ATP8B2: variants seen among roughly 807,000 people sequenced by gnomAD.
ATP8B2 encodes the protein ATPase phospholipid transporting 8B2, also known as phospholipid-transporting ATPase ID.
Under a neutral mutation model 133.4 loss-of-function variants are expected in ATP8B2, and 70 were observed. The observed-to-expected ratio is 0.52, with a 90% CI of 0.43 to 0.64. ATP8B2 has a LOEUF of 0.64. Among genes scored for constraint, ATP8B2 ranks in the 30% least tolerant of loss-of-function variants. The pLI, the probability that ATP8B2 is intolerant of heterozygous loss-of-function variation, is 0.00. For missense variants in ATP8B2, 1,101 were observed against 1,535.7 expected (o/e 0.72, Z 4.73); for synonymous variants, 517 against 589.5 (o/e 0.88, Z 1.78).
chr1:154,345,212 G>T lies in ATP8B2; in HGVS notation c.2470+58G>T, dbSNP rs1686542216. 2.5e-6 allele frequency: 4 copies of T among 1,600,762 alleles called. No individual in the cohort carries two copies. In the South Asian group the frequency reaches 3.3e-5, roughly 13 times the overall value. On this transcript the variant is annotated intron_variant, in intron 22 of 27. Transcript: ENST00000368489. This position sits in a 1 kb window ranked among gnomAD's most constrained non-coding sequence, Gnocchi z 5.6. ...GCTTGAGGCTGGGGAGGGGCCCACT[G>T]AGGTCTCTGGACTGCAGAAGAATGA...
chr1:154,346,593 C>T lies in ATP8B2; in HGVS notation c.3025-27C>T, dbSNP rs1011548156. ...GGGAAGGGGCTTTTAGGGCGTGCGC[C>T]TGCCTGACTATGCCTACTTTCTGCA... On this transcript the variant is annotated intron_variant, in intron 25 of 27. Coordinates refer to ENST00000368489, the MANE Select transcript of ATP8B2 (RefSeq NM_001370597.1). This position sits in a 1 kb window ranked among gnomAD's most constrained non-coding sequence, Gnocchi z 4.5. 1 of 1,614,034 alleles carries T rather than the reference C, an allele frequency of 6.2e-7. No individual in the cohort carries two copies. Among genetic ancestry groups the T allele is most frequent in the Non-Finnish European group, 8.5e-7 (1 of 1,179,930 alleles).
Position 154,345,375 on chromosome 1 carries a change from G to A in ATP8B2, c.2524G>A (p.Ala842Thr), listed in dbSNP as rs949301752. The change falls in exon 23 of 28, where the codon GCC becomes ACC. Residue 842 changes from alanine to threonine, a missense_variant. Coordinates refer to ENST00000368489, the MANE Select transcript of ATP8B2 (RefSeq NM_001370597.1). This position sits in a 1 kb window ranked among gnomAD's most constrained non-coding sequence, Gnocchi z 5.6. ...SGQEGIQAVL[A>T]SDYSFSQFKF... ...GCAGGAAGGGATCCAGGCTGTCTTG[G>A]CCTCCGATTACTCCTTCTCCCAGTT... 6.2e-7 allele frequency: 1 copy of A among 1,614,206 alleles called. No individual in the cohort carries two copies.
chr1:154,327,805 T>A, intron 1 of ATP8B2: 1 of 1,613,718 alleles, frequency 6.2e-7, no homozygotes, highest in South Asian at 1.1e-5. Flanking sequence ...CTGGGATGGA[T>A]ACCTTGAGAG....
Position 154,344,451 on chromosome 1 carries a change from G to A in ATP8B2, c.2092G>A (p.Val698Ile), listed in dbSNP as rs1686507942. ...GATGCTGACGGATGACATGACTGAG[G>A]TTTTCATAGTCACTGGCCATACTGT... Reference protein sequence around the residue: ...CKMLTDDMTEVFIVTGHTVLE... With the variant: ...CKMLTDDMTEIFIVTGHTVLE... The change falls in exon 20 of 28, where the codon GTT becomes ATT. Residue 698 changes from valine (V) to isoleucine (I), a missense_variant. Coordinates refer to ENST00000368489, the MANE Select transcript of ATP8B2 (RefSeq NM_001370597.1). The surrounding 1 kb of genome is among the most constrained non-coding windows in gnomAD (Gnocchi z 4.1). The A allele has an allele frequency of 6.2e-7, 1 of 1,614,164 alleles. No homozygotes were observed. The highest frequency in any genetic ancestry group is 1.1e-5 in the South Asian group (1 of 91,076).
Position 154,343,413 on chromosome 1 carries a change from T to C in ATP8B2, c.1643-40T>C. The C allele has an allele frequency of 6.2e-7, 1 of 1,609,890 alleles. No individual in the cohort carries two copies. Among genetic ancestry groups the C allele is most frequent in the South Asian group, 1.1e-5 (1 of 90,912 alleles). On this transcript the variant is annotated intron_variant, in intron 16 of 27. Transcript: ENST00000368489. The surrounding 1 kb of genome is among the most constrained non-coding windows in gnomAD (Gnocchi z 5.8). The stretch of plus-strand genomic sequence containing the variant: ...TTTATGTTGGGGGTCTTTGCCTGTC[T>C]GAATTTTTCTGGCACTTTCTTCACC...
intron 14 of ATP8B2, 104 bp downstream of exon 14, chr1:154,342,627 G>A: frequency 6.8e-7 from 1 of 1,475,988 alleles, no homozygotes; most frequent in Non-Finnish European, 9.5e-7. Flanking sequence ...AATGGAAGCT[G>A]CTTGGAGAAA....
chr1:154,346,254 G>A lies in ATP8B2; in HGVS notation c.2802G>A (p.Met934Ile), dbSNP rs1248313118. 6.2e-7 allele frequency: 1 copy of A among 1,614,062 alleles called. No homozygotes were observed. Among genetic ancestry groups the A allele is most frequent in the East Asian group, 2.2e-5 (1 of 44,884 alleles). The change falls in exon 25 of 28, where the codon ATG (methionine) becomes ATA (isoleucine). Residue 934 changes from methionine to isoleucine, a missense_variant. Physicochemically the swap from Met to Ile is conservative, Grantham distance 10 (BLOSUM62 1). Coordinates refer to ENST00000368489, the MANE Select transcript of ATP8B2 (RefSeq NM_001370597.1). The surrounding 1 kb of genome is among the most constrained non-coding windows in gnomAD (Gnocchi z 4.5). The part of the protein sequence containing the change: ...FDQDVPEQRS[M>I]EYPKLYEPGQ... ...AGGATGTCCCCGAGCAGCGGAGCAT[G>A]GAGTACCCTAAGCTGTATGAGCCGG...
chr1:154,332,785 C>T (rs1686041296), intron 9 of ATP8B2, 88 bp downstream of exon 9: 2 of 1,067,698 alleles, frequency 1.9e-6, no homozygotes, highest in Admixed American at 2.1e-5. Context: ...TTCCTTTGGG[C>T]TTTTTGTTGT....
Position 154,337,336 on chromosome 1 carries a change from A to C in ATP8B2, c.838-12A>C, listed in dbSNP as rs772128176. 6.2e-7 allele frequency: 1 copy of C among 1,607,546 alleles called. No individual in the cohort carries two copies. The highest frequency in any genetic ancestry group is 1.1e-5 in the South Asian group (1 of 90,436). ...CATGTCAGCCTCGCCTGTGCTTCTC[A>C]TTCCTCCCCAGATTTTTGGATTCCT... On this transcript the variant is annotated splice_polypyrimidine_tract_variant and intron_variant, in intron 11 of 27. Transcript: ENST00000368489.
rs781441271 is a variant in ATP8B2 at position 154,345,548 on chromosome 1, A to C, written c.2694+3A>C. 1 of 1,607,436 alleles carries C rather than the reference A, an allele frequency of 6.2e-7. No homozygotes were observed. The highest frequency in any genetic ancestry group is 8.5e-7 in the Non-Finnish European group (1 of 1,175,354). On this transcript the variant is annotated splice_donor_region_variant and intron_variant, in intron 23 of 27. Coordinates refer to ENST00000368489, the MANE Select transcript of ATP8B2 (RefSeq NM_001370597.1). The surrounding 1 kb of genome is among the most constrained non-coding windows in gnomAD (Gnocchi z 5.6). ...TCTTCTGTGGCTTCTCAGCCCAGGT[A>C]ATAAATGTTCCCAGTCCACTGTTGT...
intron 2 of ATP8B2, among the ~76,000 whole-genome samples, chr1:154,329,290 G>GTTTAT (rs1685902331): frequency 6.6e-6 from 1 of 152,220 alleles, no homozygotes; most frequent in Admixed American, 6.5e-5. Flanking sequence ...CTCTAGGGAA[G>GTTTAT]TTTATGGGAG....
rs770519651 is a variant in ATP8B2, at chr1:154,334,125, C to T, written c.608C>T (p.Pro203Leu). 4 of 1,614,040 alleles carry T rather than the reference C, an allele frequency of 2.5e-6. No individual in the cohort carries two copies. Among genetic ancestry groups the T allele is most frequent in the Non-Finnish European group, 1.7e-6 (2 of 1,180,044 alleles). Residue 203 changes from proline (P) to leucine (L), a missense_variant, in exon 10 of 28, where the codon CCT becomes CTT. Pro to Leu is a moderately conservative substitution (Grantham distance 98). Transcript: ENST00000368489. The surrounding 1 kb of genome is among the most constrained non-coding windows in gnomAD (Gnocchi z 4.6). ...AKFDGEVICEPPNNKLDKFSG... is the reference protein window; with the variant it reads ...AKFDGEVICELPNNKLDKFSG... The stretch of plus-strand genomic sequence containing the variant: ...TGTTCAGGTGAAGTGATCTGTGAAC[C>T]TCCCAACAACAAACTGGACAAATTC...
intron 12 of ATP8B2, 178 bp downstream of exon 12, chr1:154,337,722 T>G: frequency 6.5e-7 from 1 of 1,545,462 alleles, no homozygotes; most frequent in Non-Finnish European, 8.7e-7. Flanking sequence ...TACCACAGTT[T>G]CCTGGTACTT....
rs1311603142 is a variant in ATP8B2, at chr1:154,344,115, G to C, written c.1924-28G>C. 6.2e-7 allele frequency: 1 copy of C among 1,614,222 alleles called. No individual in the cohort carries two copies. Among genetic ancestry groups the C allele is most frequent in the Non-Finnish European group, 8.5e-7 (1 of 1,180,034 alleles). On this transcript the variant is annotated intron_variant, in intron 18 of 27. Transcript: ENST00000368489. The surrounding 1 kb of genome is among the most constrained non-coding windows in gnomAD (Gnocchi z 4.1). ...CGGAGGGCTCATGCCTGCAATTCTT[G>C]TGCCAGGAATCCTTGTGGTATTTTC...
rs948302625 is a variant in ATP8B2 at position 154,343,611 on chromosome 1, C to T, written c.1758+43C>T. 3 of 1,573,554 alleles carry T rather than the reference C, an allele frequency of 1.9e-6. No homozygotes were observed. Among genetic ancestry groups the T allele is most frequent in the East Asian group, 2.2e-5 (1 of 44,610 alleles). ...AGGGGCCAGCCTGGGGGGTTCTACT[C>T]TTAGTGTGGGGGAGGCGACTTAAGT... On this transcript the variant is annotated intron_variant, in intron 17 of 27. Coordinates refer to ENST00000368489, the MANE Select transcript of ATP8B2 (RefSeq NM_001370597.1). The surrounding 1 kb of genome is among the most constrained non-coding windows in gnomAD (Gnocchi z 5.8).
rs750174515 is a variant in ATP8B2, at chr1:154,342,885, C to T, written c.1377C>T (p.Ile459=). Residue 459 remains isoleucine, a synonymous_variant, in exon 15 of 28, where the codon ATC becomes ATT. Coordinates refer to ENST00000368489, the MANE Select transcript of ATP8B2 (RefSeq NM_001370597.1). ...WDPSLLEAVK[I]GDPHTHEFFR... ...CCAGCCTGCTGGAGGCTGTCAAGAT[C>T]GGGGACCCCCACACGCATGAGTTCT... 21 of 1,614,048 alleles carry T rather than the reference C, an allele frequency of 1.3e-5. No individual in the cohort carries two copies. The highest frequency in any genetic ancestry group is 1.7e-5 in the Admixed American group (1 of 60,012).
chr1:154,343,164 C>T lies in ATP8B2; in HGVS notation c.1505C>T (p.Ala502Val), dbSNP rs1245792519. The change falls in exon 16 of 28, where the codon GCA becomes GTA. Residue 502 changes from alanine to valine, a missense_variant. Transcript: ENST00000368489. The surrounding 1 kb of genome is among the most constrained non-coding windows in gnomAD (Gnocchi z 5.8). ...QSPDEGALVTAARNFGFVFRS... is the reference protein window; with the variant it reads ...QSPDEGALVTVARNFGFVFRS... The stretch of plus-strand genomic sequence containing the variant: ...CCAGATGAGGGGGCCCTGGTCACCG[C>T]AGCCAGGAACTTTGGTTTTGTTTTC... 6.2e-7 allele frequency: 1 copy of T among 1,614,158 alleles called. No individual in the cohort carries two copies. The highest frequency in any genetic ancestry group is 1.1e-5 in the South Asian group (1 of 91,088).
Position 154,340,927 on chromosome 1 carries a change from A to G in ATP8B2, c.1108A>G (p.Thr370Ala). 1 of 1,614,106 alleles carries G rather than the reference A, an allele frequency of 6.2e-7. No individual in the cohort carries two copies. The stretch of plus-strand genomic sequence containing the variant: ...GAAGATGTTCTGCATGAAGAAGCGG[A>G]CGCCTGCAGAAGCCCGCACCACCAC... ...DKKMFCMKKR[T>A]PAEARTTTLN... is the part of the protein sequence containing the mutation. Residue 370 changes from threonine to alanine, a missense_variant, in exon 13 of 28, where the codon ACG (threonine) becomes GCG (alanine). Physicochemically the swap from Thr to Ala is moderately conservative, Grantham distance 58. Transcript: ENST00000368489. The surrounding 1 kb of genome is among the most constrained non-coding windows in gnomAD (Gnocchi z 4.0).
rs773334580 is a variant in ATP8B2, at chr1:154,337,410, C to G, written c.900C>G (p.His300Gln). 6.2e-7 allele frequency: 1 copy of G among 1,614,146 alleles called. No homozygotes were observed. Among genetic ancestry groups the G allele is most frequent in the South Asian group, 1.1e-5 (1 of 91,080 alleles). ...CCATTGGCAATGCCATCTGGGAGCACGAGGTGGGGATGCGTTTCCAGGTCT... is the reference window on the plus strand; with the variant it reads ...CCATTGGCAATGCCATCTGGGAGCAGGAGGTGGGGATGCGTTTCCAGGTCT... ...ILAIGNAIWE[H>Q]EVGMRFQVYL... is the part of the protein sequence containing the mutation. The change falls in exon 12 of 28, where the codon CAC becomes CAG. Residue 300 changes from histidine (H) to glutamine (Q), a missense_variant. Coordinates refer to ENST00000368489, the MANE Select transcript of ATP8B2 (RefSeq NM_001370597.1).
Sources: gnomAD v4.1 joint callset for allele counts (sites outside exome capture counted in the v4.1 genomes callset) on GRCh38, gnomAD v4.1.1 for gene constraint, Gnocchi (gnomAD v3.1) non-coding constraint, MANE v1.5 for transcripts, NCBI Gene and HGNC (gene_info 2026-07-23, HGNC 2026-07-21) for gene names.